Variants in DPYSL3 observed in about 807,000 individuals in gnomAD.
The protein encoded by DPYSL3 is dihydropyrimidinase like 3, also known as dihydropyrimidinase-related protein 3.
Under a neutral mutation model 66.1 loss-of-function variants are expected in DPYSL3, and 16 were observed. The ratio of observed to expected loss-of-function variants is 0.24; its 90% CI spans 0.16 to 0.37. The LOEUF is 0.37. Ranked by LOEUF, DPYSL3 falls within the 10% of genes least tolerant of loss-of-function variation. The pLI is 1.00. For synonymous variants in DPYSL3, 338 were observed against 345.1 expected, an observed-to-expected ratio of 0.98 and a Z score of 0.23; for missense variants, 738 against 916.2, an observed-to-expected ratio of 0.81 and a Z score of 2.51.
At chr5:147,424,708 G>A (rs1752163031) in intron 2 of DPYSL3, among the ~76,000 whole-genome samples, 167 bp downstream of exon 2, 1 of 152,084 alleles carries the variant, frequency 6.6e-6, no homozygotes, top group Non-Finnish European at 1.5e-5. Flanking sequence ...ATGACCCGTA[G>A]AATGCTCATC....
intron 2 of DPYSL3, among the ~76,000 whole-genome samples, chr5:147,423,052 G>A (rs1005314682): frequency 1.4e-4 from 21 of 152,118 alleles, no homozygotes; most frequent in Non-Finnish European, 2.4e-4. Flanking sequence ...CCTATGATGA[G>A]CTCTGAAATG....
intron 1 of DPYSL3, among the ~76,000 whole-genome samples, chr5:147,478,388 T>A (rs1753191503): frequency 6.6e-6 from 1 of 152,174 alleles, no homozygotes; most frequent in Non-Finnish European, 1.5e-5. Flanking sequence ...AGGAGACAAC[T>A]GATTATTGGT....
rs749955993 is a variant in DPYSL3, at chr5:147,397,843, C to T, written c.1626G>A (p.Ala542=). The change falls in exon 12 of 14, where the codon GCG becomes GCA. Residue 542 remains alanine (A), a splice_region_variant and synonymous_variant. Coordinates refer to ENST00000343218, the MANE Select transcript of DPYSL3 (RefSeq NM_001197294.2). ...TCCCTTCAAAGATGTTGTACTCTGC[C>T]GCCTAGAGGCAGGGGTGAGAAGCAA... ...KIVSAKNHQS[A]AEYNIFEGME... 8.8e-6 allele frequency: 14 copies of T among 1,599,608 alleles called. No homozygotes were observed. The highest frequency in any genetic ancestry group is 2.2e-5 in the East Asian group (1 of 44,450).
intron 1 of DPYSL3, among the ~76,000 whole-genome samples, chr5:147,496,332 C>G (rs528245318): frequency 1.5e-4 from 23 of 152,224 alleles, no homozygotes; most frequent in East Asian, 3.9e-4. Context: ...TCAGGACATA[C>G]GCATGGGCAA....
intron 1 of DPYSL3, among the ~76,000 whole-genome samples, chr5:147,482,547 C>T (rs979759246): frequency 9.2e-5 from 14 of 152,198 alleles, no homozygotes; most frequent in Non-Finnish European, 1.9e-4. Context: ...TACTTATAAT[C>T]TATTCTAGTG....
chr5:147,400,582 A>T, intron 10 of DPYSL3, 110 bp downstream of exon 10: 10 of 1,411,214 alleles, frequency 7.1e-6, no homozygotes, highest in South Asian at 1.4e-5. Flanking sequence ...AGCAAGTACG[A>T]GATCCCATCT....
intron 1 of DPYSL3, among the ~76,000 whole-genome samples, chr5:147,432,916 C>A (rs961082124): frequency 2.0e-5 from 3 of 152,108 alleles, no homozygotes; most frequent in Non-Finnish European, 2.9e-5. Context: ...CTGCTGCCTT[C>A]GAGAGGGCTC....
chr5:147,488,419 C>T (rs1753368169), intron 1 of DPYSL3, among the ~76,000 whole-genome samples: 1 of 152,170 alleles, frequency 6.6e-6, no homozygotes, highest in African/African-American at 2.4e-5. Context: ...CCTATCTCTG[C>T]CACCATCCTT....
intron 1 of DPYSL3, among the ~76,000 whole-genome samples, chr5:147,471,382 C>T (rs1485404413): frequency 6.6e-6 from 1 of 152,188 alleles, no homozygotes; most frequent in East Asian, 1.9e-4. Context: ...GTCTTTGACC[C>T]TCTGAGGCTA....
chr5:147,417,902 A>T (rs1482098868), intron 3 of DPYSL3, among the ~76,000 whole-genome samples: 1 of 152,148 alleles, frequency 6.6e-6, no homozygotes, highest in Non-Finnish European at 1.5e-5. Flanking sequence ...TGCTTTTATG[A>T]CATGACCAGC....
At chr5:147,464,684 G>C (rs962131473) in intron 1 of DPYSL3, among the ~76,000 whole-genome samples, 2 of 152,164 alleles carry the variant, frequency 1.3e-5, no homozygotes, top group African/African-American at 4.8e-5. Context: ...AGAAAGCCAT[G>C]GTGACCAGGG....
In DPYSL3 at chr5:147,509,442, G is replaced by C. The variant is rs1753726218; in HGVS notation, c.381+36C>G. 6.8e-6 allele frequency: 10 copies of C among 1,467,688 alleles called. No homozygotes were observed. The East Asian group carries it at 7.4e-5, about 11-fold the overall frequency. The allele number at this position is 1,467,688 out of a possible 1,614,324, so 90.9% of individuals were successfully genotyped here. A position where few individuals can be genotyped will look rare whatever the true frequency, so the allele number is the denominator to read the frequency against. On this transcript the variant is annotated intron_variant, in intron 1 of 13. Transcript: ENST00000343218. This position sits in a 1 kb window ranked among gnomAD's most constrained non-coding sequence, Gnocchi z 5.3. ...GGCGGCCAGGGCTGGAGAAAGGAAC[G>C]AAGGCAAGGAGGGAAGTGACCCGGG... is the stretch of plus-strand genomic sequence containing the variant.
At chr5:147,487,627 C>T (rs1324572811) in intron 1 of DPYSL3, among the ~76,000 whole-genome samples, 1 of 152,158 alleles carries the variant, frequency 6.6e-6, no homozygotes, top group Non-Finnish European at 1.5e-5. Flanking sequence ...ATAGCCACAA[C>T]CATTCATTTA....
rs368879178 is a variant in DPYSL3, at chr5:147,408,787, G to A, written c.973C>T (p.Arg325Cys). ...CCAGTTATCCCCATTTCCAACATGC[G>A]GGTTTGCTCCTGAAATGAAAAAAGA... ...NGDIIAQEQT[R>C]MLEMGITGPE... The change falls in exon 7 of 14, where the codon CGC (arginine) becomes TGC (cysteine). Residue 325 changes from arginine to cysteine, a missense_variant. Physicochemically the swap from Arg to Cys is radical, Grantham distance 180. Coordinates refer to ENST00000343218, the MANE Select transcript of DPYSL3 (RefSeq NM_001197294.2). 16 of 1,613,986 alleles carry A rather than the reference G, an allele frequency of 9.9e-6. No individual in the cohort carries two copies. The highest frequency in any genetic ancestry group is 4.0e-5 in the African/African-American group (3 of 74,898).
intron 1 of DPYSL3, among the ~76,000 whole-genome samples, chr5:147,428,257 T>C (rs1411353799): frequency 6.6e-6 from 1 of 152,178 alleles, no homozygotes. Flanking sequence ...GGGCTACAAA[T>C]ATTAACATTA....
intron 1 of DPYSL3, among the ~76,000 whole-genome samples, chr5:147,438,664 A>T (rs1318829129): frequency 1.3e-5 from 2 of 152,328 alleles, no homozygotes; most frequent in East Asian, 3.9e-4. Flanking sequence ...GTCTAACAAC[A>T]GGTGAATAAT....
intron 8 of DPYSL3, among the ~76,000 whole-genome samples, chr5:147,403,501 A>G (rs370678669): frequency 6.8e-4 from 104 of 152,296 alleles, no homozygotes; most frequent in African/African-American, 2.4e-3. Context: ...ATCTGAAAAA[A>G]GGCATTTCTG....
At chr5:147,434,134 T>A (rs1203419544) in intron 1 of DPYSL3, among the ~76,000 whole-genome samples, 3 of 152,166 alleles carry the variant, frequency 2.0e-5, no homozygotes, top group African/African-American at 7.2e-5. Flanking sequence ...ATCGATGTAC[T>A]GTTAAAATCA....
At chr5:147,504,814 T>C (rs961074805) in intron 1 of DPYSL3, among the ~76,000 whole-genome samples, 4 of 152,194 alleles carry the variant, frequency 2.6e-5, no homozygotes, top group African/African-American at 9.7e-5. Flanking sequence ...AGACTCCTGA[T>C]AGAAAGTTAT....
Sources: gnomAD v4.1 joint callset for allele counts (sites outside exome capture counted in the v4.1 genomes callset) on GRCh38, gnomAD v4.1.1 for gene constraint, Gnocchi (gnomAD v3.1) non-coding constraint, MANE v1.5 for transcripts, NCBI Gene and HGNC (gene_info 2026-07-23, HGNC 2026-07-21) for gene names.